KCNQ2: variants seen among roughly 807,000 people sequenced by gnomAD.
The protein encoded by KCNQ2 is potassium voltage-gated channel subfamily Q member 2.
In KCNQ2, 14 loss-of-function variants were observed where a neutral mutation model predicts 84.8. The ratio of observed to expected loss-of-function variants is 0.17; its 90% CI spans 0.11 to 0.26. The LOEUF is 0.26. Among genes scored for constraint, KCNQ2 ranks in the 10% least tolerant of loss-of-function variants. The probability of loss-of-function intolerance (pLI) is 1.00; values close to 1 mark genes in which losing one functional copy is unlikely to be tolerated. For synonymous variants in KCNQ2, 599 were observed against 554.1 expected (o/e 1.08, Z -1.14); for missense variants, 788 against 1,254.0 (o/e 0.63, Z 5.61).
chr20:63,416,430 C>T (rs2080299685), intron 12 of KCNQ2, among the ~76,000 whole-genome samples: 1 of 152,200 alleles, frequency 6.6e-6, no homozygotes, highest in Non-Finnish European at 1.5e-5. Context: ...CAGATGTGGC[C>T]TCCTGAGGTC....
chr20:63,445,143 C>G, intron 3 of KCNQ2, 95 bp downstream of exon 3: 1 of 1,554,068 alleles, frequency 6.4e-7, no homozygotes, highest in South Asian at 1.1e-5. Context: ...CCCAGCCTCT[C>G]TGGCCCACGC....
At chr20:63,424,602 A>G (rs1029805180) in intron 10 of KCNQ2, 5 of 231,388 alleles carry the variant, frequency 2.2e-5, no homozygotes, top group Non-Finnish European at 4.3e-5. Flanking sequence ...TTTTCGAGAC[A>G]GAGTGAGCTG....
intron 8 of KCNQ2, chr20:63,433,599 GGAAAT>G: frequency 1.1e-6 from 1 of 897,732 alleles, no homozygotes; most frequent in Non-Finnish European, 1.7e-6. Context: ...AAAGGGGTGA[GGAAAT>G]GAAAGTGAAG....
chr20:63,409,977 G>A (rs912696006), intron 15 of KCNQ2: 6 of 301,480 alleles, frequency 2.0e-5, no homozygotes, highest in Non-Finnish European at 3.9e-5. Context: ...CTGATGGGAG[G>A]GGGGAGGGTG....
chr20:63,426,406 A>G (rs1044206529), intron 10 of KCNQ2, among the ~76,000 whole-genome samples: 5 of 152,022 alleles, frequency 3.3e-5, no homozygotes, highest in Admixed American at 2.6e-4. Context: ...CCAACAGTGA[A>G]TCTCCTAATT....
rs555858705 is a variant in KCNQ2, at chr20:63,470,889, G to A, written c.296+1279C>T. The A allele has an allele frequency of 1.2e-4, 18 of 152,320 alleles. 1 individual carries two copies. The South Asian group carries it at 3.7e-3, about 32-fold the overall frequency. The allele number at this position is 152,320 out of a possible 1,614,324, so 9.4% of individuals were successfully genotyped here. A position where few individuals can be genotyped will look rare whatever the true frequency, so the allele number is the denominator to read the frequency against. On this transcript the variant is annotated intron_variant, in intron 1 of 16. Transcript: ENST00000359125. ...CCTCCTGGGGGCCACAGGGCTTCCA[G>A]GACCCAGGAGGTCGGAGAAGCTTCT...
chr20:63,421,288 G>C (rs1171242363), intron 11 of KCNQ2, among the ~76,000 whole-genome samples: 1 of 133,246 alleles, frequency 7.5e-6, no homozygotes, highest in Non-Finnish European at 1.8e-5. Context: ...CCTGAGACTC[G>C]AGAGTGAATC....
intron 6 of KCNQ2, among the ~76,000 whole-genome samples, chr20:63,439,160 G>GCTGCCCTGCCCTGCCCTGCCCTGCC (rs971546461): frequency 2.4e-4 from 36 of 152,314 alleles, no homozygotes; most frequent in African/African-American, 8.4e-4. Flanking sequence ...CCGTGCACCA[G>GCTGCCCTGCCCTGCCCTGCCCTGCC]CTGCCCTGCC....
intron 15 of KCNQ2, chr20:63,411,935 A>G: frequency 1.4e-6 from 1 of 703,454 alleles, no homozygotes; most frequent in Non-Finnish European, 2.6e-6. Context: ...GTAAAGCCAC[A>G]GGAAATGAGG....
intron 15 of KCNQ2, among the ~76,000 whole-genome samples, chr20:63,411,213 G>A (rs1359479780): frequency 2.0e-5 from 3 of 152,214 alleles, no homozygotes; most frequent in Admixed American, 6.5e-5. Flanking sequence ...GGCTTAAGGG[G>A]TAGATGCTGT....
Position 63,472,509 on chromosome 20 carries a change from G to A in KCNQ2, c.-46C>T, listed in dbSNP as rs572005014. On this transcript the variant is annotated 5_prime_UTR_variant, in exon 1 of 17. Transcript: ENST00000359125. ...CCGGGTCGGGCTCAGGCTCAGCGGGGGCGGAGCGCGGGGGGCGGCGCGGGC... is the reference window on the plus strand; with the variant it reads ...CCGGGTCGGGCTCAGGCTCAGCGGGAGCGGAGCGCGGGGGGCGGCGCGGGC... 1 of 1,375,416 alleles carries A rather than the reference G, an allele frequency of 7.3e-7. No individual in the cohort carries two copies. The allele number at this position is 1,375,416 out of a possible 1,614,324, so 85.2% of individuals were successfully genotyped here.
chr20:63,445,536 G>C, intron 2 of KCNQ2, 172 bp from the exon 3 acceptor site: 1 of 659,884 alleles, frequency 1.5e-6, no homozygotes, highest in Non-Finnish European at 2.6e-6. Context: ...GGGCAGGAAG[G>C]GTTGGGCCCT....
chr20:63,420,906 C>T (rs2080451161), intron 11 of KCNQ2, among the ~76,000 whole-genome samples: 1 of 152,176 alleles, frequency 6.6e-6, no homozygotes, highest in African/African-American at 2.4e-5. Context: ...GACGGTGGGA[C>T]GAGGCAGGAG....
chr20:63,412,133 G>A (rs1038008898), intron 15 of KCNQ2: 27 of 478,642 alleles, frequency 5.6e-5, no homozygotes, highest in African/African-American at 1.8e-4. Flanking sequence ...CGGGTGCCAC[G>A]TCCCAGAGCG....
intron 11 of KCNQ2, chr20:63,423,915 C>T (rs1250845567): frequency 5.7e-6 from 3 of 525,948 alleles, no homozygotes; most frequent in African/African-American, 3.9e-5. Flanking sequence ...GGGGGATCCC[C>T]CACCCCCGAG....
At chr20:63,464,256 G>A (rs1264089863) in intron 1 of KCNQ2, among the ~76,000 whole-genome samples, 1 of 152,066 alleles carries the variant, frequency 6.6e-6, no homozygotes, top group African/African-American at 2.4e-5. Context: ...GCTCTGGGCA[G>A]CTGGTGGCCA....
chr20:63,467,696 T>G (rs769654116), intron 1 of KCNQ2, among the ~76,000 whole-genome samples: 1 of 152,210 alleles, frequency 6.6e-6, no homozygotes, highest in African/African-American at 2.4e-5. Flanking sequence ...AAAATCACTA[T>G]GTTAAGCCAC....
At position 63,456,033 on chromosome 20, in the gene KCNQ2, T is replaced by C. The variant is rs181500228; in HGVS notation, c.297-9196A>G. Among the ~76,000 whole-genome samples the C allele has an allele frequency of 4.0e-3, 168 of 42,146 alleles. 8 individuals are homozygous for C. Among genetic ancestry groups the C allele is most frequent in the African/African-American group, 0.013 (95 of 7,574 alleles). 27.6% of individuals were successfully genotyped at this position (42,146 alleles called of 152,430 possible). Reference sequence around the variant, plus strand: ...CCCCACCTCCGGGAGGCCCCTCTGCTCACGGGCCCCCCACCTCCGGGAGGC... The same window carrying C: ...CCCCACCTCCGGGAGGCCCCTCTGCCCACGGGCCCCCCACCTCCGGGAGGC... On this transcript the variant is annotated intron_variant, in intron 1 of 16. Transcript: ENST00000359125.
rs1366364361 is a variant in KCNQ2 at position 63,407,787 on chromosome 20, C to T, written c.1888-412G>A. On this transcript the variant is annotated intron_variant, in intron 16 of 16. Coordinates refer to ENST00000359125, the MANE Select transcript of KCNQ2 (RefSeq NM_172107.4). This position sits in a 1 kb window ranked among gnomAD's most constrained non-coding sequence, Gnocchi z 7.2. ...GTACAGGGAGGGGGGATCCCTGCTC[C>T]CTGGAAGCTGGAGGAGCGGGAAGAG... Among the ~76,000 whole-genome samples, 1 of 152,074 alleles carries T rather than the reference C, an allele frequency of 6.6e-6. No individual in the cohort carries two copies. Among genetic ancestry groups the T allele is most frequent in the Non-Finnish European group, 1.5e-5 (1 of 67,986 alleles).
Sources: allele counts gnomAD v4.1 joint callset (sites outside exome capture counted in the v4.1 genomes callset), GRCh38; gene constraint gnomAD v4.1.1; non-coding constraint Gnocchi (gnomAD v3.1); transcripts MANE v1.5; gene names NCBI Gene and HGNC (gene_info 2026-07-23, HGNC 2026-07-21).